Variants in ZNF808 observed in about 807,000 individuals in gnomAD.
ZNF808 encodes zinc finger protein 808.
Under a neutral mutation model 8.7 loss-of-function variants are expected in ZNF808, and 5 were observed. The ratio of observed to expected loss-of-function variants is 0.58; its 90% confidence interval spans 0.30 to 1.21. ZNF808 has a LOEUF of 1.21. Ranked by LOEUF, ZNF808 falls within the 50% of genes most tolerant of loss-of-function variation. The pLI is 0.07. For synonymous variants in ZNF808, 380 were observed against 366.0 expected (o/e 1.04, Z -0.44); for missense variants, 1,103 against 1,098.4 (o/e 1.00, Z -0.06).
At chr19:52,546,442 C>G (rs1225009432) in intron 3 of ZNF808, among the ~76,000 whole-genome samples, 1 of 152,072 alleles carries the variant, frequency 6.6e-6, no homozygotes, top group Non-Finnish European at 1.5e-5. Context: ...GCCTTGGCCT[C>G]CCAAAGTGCT....
chr19:52,567,014 C>G (rs575337254), downstream of ZNF808, among the ~76,000 whole-genome samples: 7 of 149,570 alleles, frequency 4.7e-5, no homozygotes, highest in South Asian at 1.5e-3. Flanking sequence ...TGCAATAGGA[C>G]AATCTCGGCT....
intron 3 of ZNF808, among the ~76,000 whole-genome samples, chr19:52,563,074 G>A (rs996502882): frequency 2.6e-5 from 4 of 151,956 alleles, no homozygotes; most frequent in South Asian, 2.1e-4. Context: ...GCATCCTGTC[G>A]TTAGTCAATT....
chr19:52,556,170 G>A lies in ZNF808; in HGVS notation c.*542G>A. ...ATTGACATTCAAGTGTTTATGTTAA[G>A]AGGATGGGGCCAGGTGTGGTGGCTC... On this transcript the variant is annotated 3_prime_UTR_variant, in exon 5 of 5. Transcript: ENST00000359798. The A allele has an allele frequency of 2.8e-6, 1 of 357,060 alleles. No individual in the cohort carries two copies. Among genetic ancestry groups the A allele is most frequent in the Non-Finnish European group, 5.6e-6 (1 of 179,420 alleles). The allele number at this position is 357,060 out of a possible 1,614,324, so 22.1% of individuals were successfully genotyped here.
chr19:52,531,227 A>G (rs1221251594), intron 1 of ZNF808, among the ~76,000 whole-genome samples: 2 of 152,162 alleles, frequency 1.3e-5, no homozygotes, highest in African/African-American at 4.8e-5. Context: ...TAATTCCAGC[A>G]CTTTGGAAGG....
In ZNF808 at chr19:52,553,206, A is replaced by G. The variant is rs759354518; in HGVS notation, c.290A>G (p.His97Arg). 2.5e-6 allele frequency: 4 copies of G among 1,613,906 alleles called. No homozygotes were observed. The highest frequency in any genetic ancestry group is 1.7e-6 in the Non-Finnish European group (2 of 1,179,992). The part of the protein sequence containing the change: ...TGTLQRHQSY[H>R]IGDFCFQEIE... ...ACATTGCAAAGACATCAAAGTTATCACATTGGAGACTTTTGCTTCCAGGAA... is the reference window on the plus strand; with the variant it reads ...ACATTGCAAAGACATCAAAGTTATCGCATTGGAGACTTTTGCTTCCAGGAA... Residue 97 changes from histidine (H) to arginine (R), a missense_variant, in exon 5 of 5, where the codon CAC becomes CGC. Coordinates refer to ENST00000359798, the MANE Select transcript of ZNF808 (RefSeq NM_001039886.4).
At chr19:52,542,434 CCT>C (rs1227003527) in intron 2 of ZNF808, among the ~76,000 whole-genome samples, 1 of 152,016 alleles carries the variant, frequency 6.6e-6, no homozygotes, top group Non-Finnish European at 1.5e-5. Flanking sequence ...TTGAGCTGTC[CCT>C]CTCTCTAGGA....
intron 1 of ZNF808, among the ~76,000 whole-genome samples, chr19:52,531,088 C>G (rs1483900959): frequency 6.6e-6 from 1 of 152,182 alleles, no homozygotes; most frequent in African/African-American, 2.4e-5. Context: ...AATCATGCCA[C>G]TACACTGCAA....
intron 2 of ZNF808, among the ~76,000 whole-genome samples, chr19:52,538,266 C>T (rs12976343): frequency 1.9e-5 from 1 of 51,586 alleles, no homozygotes. Context: ...CAAAGGTTCC[C>T]CCGTCTTGGC....
rs1305469904 is a variant in ZNF808, at chr19:52,554,783, T to C, written c.1867T>C (p.Tyr623His). 1 of 1,613,836 alleles carries C rather than the reference T, an allele frequency of 6.2e-7. No individual in the cohort carries two copies. The highest frequency in any genetic ancestry group is 8.5e-7 in the Non-Finnish European group (1 of 1,179,936). ...GAGAATTCATACTGGAGAGAAACCA[T>C]ACAGATGTCAGGTTTGTGACACAGC... ...HKRIHTGEKP[Y>H]RCQVCDTAFT... The change falls in exon 5 of 5, where the codon TAC (tyrosine) becomes CAC (histidine). Residue 623 changes from tyrosine to histidine, a missense_variant. Transcript: ENST00000359798.
rs1357402986 is a variant in ZNF808, at chr19:52,554,793, A to G, written c.1877A>G (p.Gln626Arg). The change falls in exon 5 of 5, where the codon CAG (glutamine) becomes CGG (arginine). Residue 626 changes from glutamine to arginine, a missense_variant. Physicochemically the swap from Gln to Arg is conservative, Grantham distance 43 (BLOSUM62 1). Transcript: ENST00000359798. ...IHTGEKPYRC[Q>R]VCDTAFTWNS... ...ACTGGAGAGAAACCATACAGATGTC[A>G]GGTTTGTGACACAGCTTTCACGTGG... is the stretch of plus-strand genomic sequence containing the variant. The G allele has an allele frequency of 6.2e-7, 1 of 1,613,978 alleles. No individual in the cohort carries two copies. The highest frequency in any genetic ancestry group is 1.1e-5 in the South Asian group (1 of 91,078).
At chr19:52,568,313 G>T (rs1019241253), downstream of ZNF808, among the ~76,000 whole-genome samples, 1 of 152,198 alleles carries the variant, frequency 6.6e-6, no homozygotes, top group African/African-American at 2.4e-5. Flanking sequence ...CGTGGAGGTC[G>T]TAGTGAGCCG....
At chr19:52,529,051 A>G (rs1439283636) in intron 1 of ZNF808, among the ~76,000 whole-genome samples, 1 of 151,450 alleles carries the variant, frequency 6.6e-6, no homozygotes. Context: ...AATGAGAGAT[A>G]TGTACAGAAT....
chr19:52,541,902 C>T lies in ZNF808; in HGVS notation c.-19-1364C>T, dbSNP rs946299438. 2.0e-5 allele frequency among the ~76,000 whole-genome samples: 3 copies of T among 152,222 alleles called. No homozygotes were observed. In the East Asian group the frequency reaches 5.8e-4, roughly 29 times the overall value. ...AGGTGTCCACGAGTGGCTTTCTAAA[C>T]CCCCAAACACATTTCCTTGCAGTCT... On this transcript the variant is annotated intron_variant, in intron 2 of 4. Coordinates refer to ENST00000359798, the MANE Select transcript of ZNF808 (RefSeq NM_001039886.4).
chr19:52,547,273 T>A (rs1011994746), intron 3 of ZNF808, among the ~76,000 whole-genome samples: 1 of 152,118 alleles, frequency 6.6e-6, no homozygotes, highest in African/African-American at 2.4e-5. Flanking sequence ...ATTTATATAG[T>A]TTTTATATTG....
At chr19:52,539,688 TG>T (rs2059651867) in intron 2 of ZNF808, among the ~76,000 whole-genome samples, 1 of 149,378 alleles carries the variant, frequency 6.7e-6, no homozygotes, top group African/African-American at 2.5e-5. Context: ...TGAGTAGTTA[TG>T]ATTACAGGCA....
intron 3 of ZNF808, 133 bp from the exon 4 acceptor site, chr19:52,547,379 A>T: frequency 6.5e-7 from 1 of 1,528,210 alleles, no homozygotes; most frequent in Middle Eastern, 2.1e-4. Flanking sequence ...AAATAGTCAA[A>T]AATACCTTAA....
chr19:52,559,524 CTG>C (rs2059849776), downstream of ZNF808, among the ~76,000 whole-genome samples: 1 of 152,050 alleles, frequency 6.6e-6, no homozygotes, highest in Non-Finnish European at 1.5e-5. Context: ...CGCGGGTCCT[CTG>C]TATGCTGAGT....
chr19:52,539,545 GTGGTTTTTTT>G (rs2059648699), intron 2 of ZNF808, among the ~76,000 whole-genome samples: 2 of 84,284 alleles, frequency 2.4e-5, no homozygotes, highest in African/African-American at 4.8e-5. Flanking sequence ...TTTTGTTGTG[GTGGTTTTTTT>G]TTTTTTTTTT....
chr19:52,550,332 G>A (rs1240767637), intron 4 of ZNF808, among the ~76,000 whole-genome samples: 1 of 151,708 alleles, frequency 6.6e-6, no homozygotes, highest in African/African-American at 2.4e-5. Flanking sequence ...CTGGATTTAA[G>A]CGATTCTCCT....
Sources: gnomAD v4.1 joint callset for allele counts (sites outside exome capture counted in the v4.1 genomes callset) on GRCh38, gnomAD v4.1.1 for gene constraint, MANE v1.5 for transcripts, NCBI Gene and HGNC (gene_info 2026-07-23, HGNC 2026-07-21) for gene names.